Variants in NBEAL1 observed in about 807,000 individuals in gnomAD.
The protein encoded by NBEAL1 is neurobeachin like 1.
A neutral mutation model predicts 351.3 loss-of-function variants in NBEAL1; 273 were observed. That is an observed-to-expected ratio of 0.78 (90% CI 0.70 to 0.86). The LOEUF is 0.86. Ranked by LOEUF, NBEAL1 falls within the 40% of genes least tolerant of loss-of-function variation. The probability of loss-of-function intolerance (pLI) is 0.00; values close to 1 mark genes in which losing one functional copy is unlikely to be tolerated. For synonymous variants in NBEAL1, 1,050 were observed against 1,086.4 expected, an observed-to-expected ratio of 0.97 and a Z score of 0.66; for missense variants, 2,961 against 3,201.3, an observed-to-expected ratio of 0.92 and a Z score of 1.81.
intron 51 of NBEAL1, among the ~76,000 whole-genome samples, chr2:203,208,192 G>C (rs1282067078): frequency 1.3e-5 from 2 of 152,044 alleles, no homozygotes; most frequent in Non-Finnish European, 2.9e-5. Context: ...AGGCTAAGGT[G>C]GGAGGATTAC....
intron 38 of NBEAL1, among the ~76,000 whole-genome samples, chr2:203,168,020 A>G (rs2064190756): frequency 6.6e-6 from 1 of 152,190 alleles, no homozygotes; most frequent in African/African-American, 2.4e-5. Context: ...ACAATAACTA[A>G]TTTTCCATTC....
intron 29 of NBEAL1, among the ~76,000 whole-genome samples, chr2:203,137,373 G>C (rs1450098415): frequency 6.6e-6 from 1 of 152,134 alleles, no homozygotes; most frequent in Non-Finnish European, 1.5e-5. Flanking sequence ...CCTTCTTCCA[G>C]TGTGGCTCAG....
chr2:203,066,620 C>T (rs780038281), intron 6 of NBEAL1, among the ~76,000 whole-genome samples: 6 of 152,074 alleles, frequency 3.9e-5, no homozygotes, highest in South Asian at 4.2e-4. Context: ...ACTTCCCAGA[C>T]GGGACGGGGC....
At chr2:203,038,918 G>A (rs1018334600) in intron 2 of NBEAL1, among the ~76,000 whole-genome samples, 17 of 148,740 alleles carry the variant, frequency 1.1e-4, no homozygotes, top group Admixed American at 8.8e-4. Context: ...GGGCTCAAGC[G>A]ATTCTCTCAC....
chr2:203,132,912 TA>T, intron 26 of NBEAL1, 145 bp from the exon 27 acceptor site: 1 of 534,800 alleles, frequency 1.9e-6, no homozygotes, highest in South Asian at 2.7e-5. Flanking sequence ...ATTCTAAACC[TA>T]TTTTTTCTTT....
At chr2:203,183,602 A>G (rs990455845) in intron 44 of NBEAL1, among the ~76,000 whole-genome samples, 6 of 152,158 alleles carry the variant, frequency 3.9e-5, no homozygotes, top group Non-Finnish European at 5.9e-5. Context: ...AAATATATAT[A>G]TATATAGCAA....
chr2:203,057,495 T>A, intron 6 of NBEAL1, 42 bp downstream of exon 6: 1 of 1,489,194 alleles, frequency 6.7e-7, no homozygotes, highest in South Asian at 1.2e-5. Context: ...AACCTGAATG[T>A]CATAATATAT....
chr2:203,222,581 C>T lies in NBEAL1; in HGVS notation c.*5227C>T, dbSNP rs2065964215. 6.6e-6 allele frequency among the ~76,000 whole-genome samples: 1 copy of T among 152,170 alleles called. No individual in the cohort carries two copies. The highest frequency in any genetic ancestry group is 2.4e-5 in the African/African-American group (1 of 41,454). ...AATTGAGTTATTTTTATCATGAACT[C>T]TCTTTAGACTGTTCACATTTGAAAA... On this transcript the variant is annotated 3_prime_UTR_variant, in exon 56 of 56. Coordinates refer to ENST00000683969, the MANE Select transcript of NBEAL1 (RefSeq NM_001378026.1).
chr2:203,150,042 G>A (rs1575047328), intron 34 of NBEAL1, among the ~76,000 whole-genome samples: 1 of 152,184 alleles, frequency 6.6e-6, no homozygotes, highest in South Asian at 2.1e-4. Context: ...ACAAGTGTTT[G>A]AACACTTGTT....
intron 41 of NBEAL1, 136 bp downstream of exon 41, chr2:203,172,989 C>G (rs944205339): frequency 4.1e-5 from 24 of 586,792 alleles, no homozygotes; most frequent in Non-Finnish European, 6.2e-5. Context: ...ATAATTACTT[C>G]ACTAAGTTTT....
At chr2:203,055,022 A>AG (rs1409419729) in intron 4 of NBEAL1, among the ~76,000 whole-genome samples, 5 of 152,158 alleles carry the variant, frequency 3.3e-5, no homozygotes, top group African/African-American at 1.2e-4. Context: ...GGACTGGTAG[A>AG]AGTCATGAGT....
chr2:203,157,668 A>G (rs771633895), intron 35 of NBEAL1, 31 bp from the exon 36 acceptor site: 1 of 1,516,554 alleles, frequency 6.6e-7, no homozygotes, highest in Non-Finnish European at 8.8e-7. Context: ...TTTTTACTTT[A>G]TGTTTAATAG....
At chr2:203,207,260 C>T (rs994535073) in intron 51 of NBEAL1, among the ~76,000 whole-genome samples, 5 of 151,322 alleles carry the variant, frequency 3.3e-5, no homozygotes, top group Non-Finnish European at 7.4e-5. Context: ...CATCTCCGCC[C>T]GGCAGCCACC....
At chr2:203,183,049 T>A (rs1168469346) in intron 43 of NBEAL1, 2 of 300,000 alleles carry the variant, frequency 6.7e-6, no homozygotes, top group Admixed American at 9.5e-5. Context: ...AGCTATAGTT[T>A]CCCCCACTTT....
chr2:203,129,320 C>T (rs999851155), intron 24 of NBEAL1, among the ~76,000 whole-genome samples: 6 of 152,064 alleles, frequency 3.9e-5, no homozygotes, highest in Admixed American at 1.3e-4. Context: ...GTATAACCTC[C>T]GCAATACCAC....
In NBEAL1 at chr2:203,057,383, G is replaced by C. The variant is rs1028711165; in HGVS notation, c.445G>C (p.Val149Leu). ...AGATCAGACATGTATTGAAGAATTT[G>C]TGATCCACGCATTGGCATTTTGTGA... is the stretch of plus-strand genomic sequence containing the variant. ...MADQTCIEEF[V>L]IHALAFCESL... is the part of the protein sequence containing the mutation. Residue 149 changes from valine to leucine, a missense_variant, in exon 6 of 56, where the codon GTG becomes CTG. Val to Leu is a conservative substitution (Grantham distance 32). Transcript: ENST00000683969. The C allele has an allele frequency of 1.3e-6, 2 of 1,552,398 alleles. No homozygotes were observed. Among genetic ancestry groups the C allele is most frequent in the Non-Finnish European group, 1.7e-6 (2 of 1,146,530 alleles).
intron 10 of NBEAL1, among the ~76,000 whole-genome samples, chr2:203,094,614 A>G (rs12693978): frequency 0.3 from 45,896 of 152,026 alleles, 7,510 homozygotes; most frequent in East Asian, 0.61. Context: ...GTATGCGTTG[A>G]TTTCCGTAAG....
intron 2 of NBEAL1, among the ~76,000 whole-genome samples, chr2:203,033,108 C>G (rs1161834587): frequency 6.6e-6 from 1 of 152,116 alleles, no homozygotes; most frequent in Admixed American, 6.5e-5. Context: ...TCACACCATT[C>G]TCCTGCCTCA....
chr2:203,130,764 T>C (rs986880684), intron 25 of NBEAL1, among the ~76,000 whole-genome samples: 20 of 152,176 alleles, frequency 1.3e-4, no homozygotes, highest in Non-Finnish European at 2.4e-4. Flanking sequence ...ATTCAGAACA[T>C]TTCAACAGCT....
Sources: gnomAD v4.1 joint callset for allele counts (sites outside exome capture counted in the v4.1 genomes callset) on GRCh38, gnomAD v4.1.1 for gene constraint, MANE v1.5 for transcripts, NCBI Gene and HGNC (gene_info 2026-07-23, HGNC 2026-07-21) for gene names.